The following RGS13 variants were observed in gnomAD, a reference collection of about 807,000 sequenced individuals.
RGS13 encodes the protein regulator of G-protein signalling 13.
A neutral mutation model predicts 19.9 loss-of-function variants in RGS13; 14 were observed. The observed-to-expected ratio is 0.70, with a 90% CI of 0.46 to 1.10. The LOEUF is 1.10. Among genes scored for constraint, RGS13 ranks in the 50% least tolerant of loss-of-function variants. The pLI is 0.00. For synonymous variants in RGS13, 60 were observed against 56.8 expected (o/e 1.06, Z -0.25); for missense variants, 205 against 187.1 (o/e 1.10, Z -0.56).
chr1:192,656,248 T>C (rs1663435990), intron 5 of RGS13, among the ~76,000 whole-genome samples: 1 of 152,130 alleles, frequency 6.6e-6, no homozygotes, highest in Non-Finnish European at 1.5e-5. Flanking sequence ...GATTTTTATC[T>C]GCTATCTCAT....
intron 5 of RGS13, among the ~76,000 whole-genome samples, chr1:192,651,267 A>G (rs1663330067): frequency 6.6e-6 from 1 of 152,162 alleles, no homozygotes; most frequent in Admixed American, 6.6e-5. Context: ...AACAGTGACC[A>G]CTAGACATGG....
In RGS13 at chr1:192,658,145, G is replaced by T. The variant is rs572004918; in HGVS notation, c.128-56G>T. 3.3e-5 allele frequency: 45 copies of T among 1,353,234 alleles called. No individual in the cohort carries two copies. In the African/African-American group the frequency reaches 5.7e-4, roughly 17 times the overall value. 83.8% of individuals were successfully genotyped at this position (1,353,234 alleles called of 1,614,324 possible). On this transcript the variant is annotated intron_variant, in intron 5 of 6. Transcript: ENST00000391995. ...GGCTTTTTTTTAACTGTATTGCTTA[G>T]ATTTTTTTGGTGATTTTGACCCATG...
At position 192,658,276 on chromosome 1, in the gene RGS13, A is replaced by T. The variant is rs1308297197; in HGVS notation, c.203A>T (p.Glu68Val). ...AATATTCAATTCTGGATGGCATGTG[A>T]AACCTATAAGAAAATTGCCTCACGG... ...DENIQFWMACETYKKIASRWS... is the reference protein window; with the variant it reads ...DENIQFWMACVTYKKIASRWS... The change falls in exon 6 of 7, where the codon GAA (glutamate) becomes GTA (valine). Residue 68 changes from glutamate (E) to valine (V), a missense_variant. Transcript: ENST00000391995. The T allele has an allele frequency of 6.2e-7, 1 of 1,613,628 alleles. No homozygotes were observed.
In RGS13 at chr1:192,648,002, T is replaced by C; in HGVS notation, c.127+15T>C. ...GGCTACAAAATGTGAGTATTGCGTA[T>C]CTGTCATCTTTGAATAACTAGCGAG... On this transcript the variant is annotated intron_variant, in intron 5 of 6. Transcript: ENST00000391995. The C allele has an allele frequency of 6.4e-7, 1 of 1,562,380 alleles. No homozygotes were observed. The highest frequency in any genetic ancestry group is 8.7e-7 in the Non-Finnish European group (1 of 1,142,896).
At chr1:192,646,400 A>G (rs1663220561) in intron 4 of RGS13, 1 of 152,176 alleles carries the variant, frequency 6.6e-6, no homozygotes. Context: ...GTCTATAGCC[A>G]TCTTCAATTA....
rs534692463 is a variant in RGS13, at chr1:192,639,309, T to C, written c.-5+1106T>C. 3.3e-5 allele frequency among the ~76,000 whole-genome samples: 5 copies of C among 151,622 alleles called. No homozygotes were observed. The East Asian group carries it at 9.7e-4, about 29-fold the overall frequency. Reference sequence around the variant, plus strand: ...TGTGGCTGGGCTGTCCTCTTGTCCCTTTTTTCTGTAACACTCAACCATGCC... The same window carrying C: ...TGTGGCTGGGCTGTCCTCTTGTCCCCTTTTTCTGTAACACTCAACCATGCC... On this transcript the variant is annotated intron_variant, in intron 3 of 6. Coordinates refer to ENST00000391995, the MANE Select transcript of RGS13 (RefSeq NM_002927.5).
chr1:192,653,903 G>A (rs1422962726), intron 5 of RGS13, among the ~76,000 whole-genome samples: 5 of 151,542 alleles, frequency 3.3e-5, no homozygotes, highest in African/African-American at 9.7e-5. Flanking sequence ...ATTGAACAAC[G>A]AGAACAGTTG....
chr1:192,658,535 G>A (rs1166848177), intron 6 of RGS13, 168 bp downstream of exon 6: 1 of 569,208 alleles, frequency 1.8e-6, no homozygotes, highest in Admixed American at 3.5e-5. Context: ...GAGACTCTGA[G>A]AACTTGTCCA....
At chr1:192,648,615 G>A (rs1032192751) in intron 5 of RGS13, among the ~76,000 whole-genome samples, 1 of 151,862 alleles carries the variant, frequency 6.6e-6, no homozygotes, top group African/African-American at 2.4e-5. Context: ...CCAGAAGACA[G>A]GTACAGAAAA....
intron 5 of RGS13, among the ~76,000 whole-genome samples, chr1:192,648,456 A>G (rs913255339): frequency 4.6e-5 from 7 of 152,276 alleles, no homozygotes; most frequent in African/African-American, 1.2e-4. Context: ...CGACATTAAC[A>G]TGGTACAAAT....
At chr1:192,641,249 GA>G (rs1275121584) in intron 3 of RGS13, among the ~76,000 whole-genome samples, 1 of 48,964 alleles carries the variant, frequency 2.0e-5, no homozygotes, top group Non-Finnish European at 4.3e-5. Context: ...AGAAAGAAAA[GA>G]AAGAAAAGAA....
chr1:192,656,852 A>G (rs1663453163), intron 5 of RGS13, among the ~76,000 whole-genome samples: 2 of 152,076 alleles, frequency 1.3e-5, no homozygotes, highest in Non-Finnish European at 2.9e-5. Context: ...CTTTGTTCCT[A>G]TATCACTGCT....
chr1:192,642,584 T>C (rs1663144080), intron 3 of RGS13, among the ~76,000 whole-genome samples: 1 of 151,948 alleles, frequency 6.6e-6, no homozygotes. Flanking sequence ...GCCTCAGTCT[T>C]GCAAAGTGTT....
chr1:192,652,347 C>G (rs1435795601), intron 5 of RGS13, among the ~76,000 whole-genome samples: 2 of 152,024 alleles, frequency 1.3e-5, no homozygotes, highest in African/African-American at 4.8e-5. Context: ...GTCATTCTCT[C>G]AGCTTTTTTC....
Position 192,659,329 on chromosome 1 carries a change from A to G in RGS13, c.295-9A>G. ...AACTTAATGCTGTACATGTAATTTCACTTTTCAGATTAACATTGACAGTTC... is the reference window on the plus strand; with the variant it reads ...AACTTAATGCTGTACATGTAATTTCGCTTTTCAGATTAACATTGACAGTTC... On this transcript the variant is annotated splice_polypyrimidine_tract_variant and intron_variant, in intron 6 of 6. Coordinates refer to ENST00000391995, the MANE Select transcript of RGS13 (RefSeq NM_002927.5). The G allele has an allele frequency of 6.2e-7, 1 of 1,603,914 alleles. No individual in the cohort carries two copies. Among genetic ancestry groups the G allele is most frequent in the East Asian group, 2.2e-5 (1 of 44,616 alleles).
chr1:192,639,200 G>A (rs1281672126), intron 3 of RGS13, among the ~76,000 whole-genome samples: 13 of 152,052 alleles, frequency 8.5e-5, no homozygotes, highest in Admixed American at 8.5e-4. Flanking sequence ...AGGGGAGTGT[G>A]GTTGGATCTC....
chr1:192,655,070 C>G (rs944598408), intron 5 of RGS13, among the ~76,000 whole-genome samples: 1 of 152,084 alleles, frequency 6.6e-6, no homozygotes, highest in Non-Finnish European at 1.5e-5. Flanking sequence ...TTGTAATTCA[C>G]TTGTGGTATG....
intron 5 of RGS13, among the ~76,000 whole-genome samples, chr1:192,648,796 A>G (rs1663265113): frequency 6.6e-6 from 1 of 152,100 alleles, no homozygotes; most frequent in Non-Finnish European, 1.5e-5. Context: ...GCTATGGACT[A>G]TGAAGGAGAG....
intron 3 of RGS13, among the ~76,000 whole-genome samples, chr1:192,638,614 C>A (rs565741685): frequency 2.0e-5 from 3 of 152,180 alleles, no homozygotes; most frequent in South Asian, 2.1e-4. Context: ...AGGCACCAGG[C>A]TCCAGGCACA....
Sources: gnomAD v4.1 joint callset for allele counts (sites outside exome capture counted in the v4.1 genomes callset) on GRCh38, gnomAD v4.1.1 for gene constraint, MANE v1.5 for transcripts, NCBI Gene and HGNC (gene_info 2026-07-23, HGNC 2026-07-21) for gene names.